The following ERBB4 variants were observed in gnomAD, a reference collection of about 807,000 sequenced individuals.
ERBB4 encodes erb-b2 receptor tyrosine kinase 4, also known as receptor tyrosine-protein kinase erbB-4.
ERBB4 carries 42 observed loss-of-function variants against 158.0 expected under a neutral mutation model. That is an observed-to-expected ratio of 0.27 (90% CI 0.21 to 0.34). The LOEUF (loss-of-function observed/expected upper bound fraction) is 0.34, where lower values mean the gene tolerates loss of function less well. Among genes scored for constraint, ERBB4 ranks in the 10% least tolerant of loss-of-function variants. The pLI, the probability that ERBB4 is intolerant of heterozygous loss-of-function variation, is 1.00. For synonymous variants in ERBB4, 583 were observed against 558.7 expected (o/e 1.04, Z -0.61); for missense variants, 1,333 against 1,624.1 (o/e 0.82, Z 3.08).
chr2:212,072,265 A>G (rs572635692), intron 2 of ERBB4, among the ~76,000 whole-genome samples: 1 of 152,080 alleles, frequency 6.6e-6, no homozygotes, highest in African/African-American at 2.4e-5. Context: ...TTTATAATTG[A>G]TTAGACAAAT....
chr2:211,651,355 A>G (rs886609361), intron 16 of ERBB4, among the ~76,000 whole-genome samples: 1 of 152,194 alleles, frequency 6.6e-6, no homozygotes, highest in African/African-American at 2.4e-5. Flanking sequence ...ACAAGAAAAA[A>G]TAAGAATGGC....
intron 1 of ERBB4, among the ~76,000 whole-genome samples, chr2:212,160,443 A>G (rs1423085399): frequency 6.6e-6 from 1 of 152,028 alleles, no homozygotes; most frequent in Non-Finnish European, 1.5e-5. Flanking sequence ...CAAGTCCTCC[A>G]TAGTTAAATA....
Position 211,562,188 on chromosome 2 carries a change from A to G in ERBB4, c.2302-100T>C. On this transcript the variant is annotated intron_variant, in intron 19 of 27. Transcript: ENST00000342788. ...TGGTGCTGATGATTTTTAAAAATGT[A>G]CTCTTACTCAATGGAATCAATCAAA... 6.3e-6 allele frequency: 6 copies of G among 951,100 alleles called. No individual in the cohort carries two copies. The South Asian group carries it at 8.1e-5, about 13-fold the overall frequency. The allele number at this position is 951,100 out of a possible 1,614,324, so 58.9% of individuals were successfully genotyped here. A position where few individuals can be genotyped will look rare whatever the true frequency, so the allele number is the denominator to read the frequency against.
intron 3 of ERBB4, among the ~76,000 whole-genome samples, chr2:211,815,805 G>C (rs115733573): frequency 0.014 from 2,093 of 152,212 alleles, 47 homozygotes; most frequent in African/African-American, 0.048. Context: ...ATCTGCCAGC[G>C]CAGCTAGAAC....
At chr2:211,549,626 T>C (rs915153532) in intron 20 of ERBB4, among the ~76,000 whole-genome samples, 2 of 152,110 alleles carry the variant, frequency 1.3e-5, no homozygotes, top group African/African-American at 4.8e-5. Flanking sequence ...AGAAAGTCTA[T>C]ACCTCTGACA....
intron 1 of ERBB4, among the ~76,000 whole-genome samples, chr2:212,133,423 G>GTTT (rs376496983): frequency 7.6e-6 from 1 of 132,018 alleles, no homozygotes; most frequent in Non-Finnish European, 1.6e-5. Flanking sequence ...TTTTGTTTTT[G>GTTT]TTTTTTTTTT....
intron 3 of ERBB4, among the ~76,000 whole-genome samples, chr2:211,882,121 T>A (rs527550954): frequency 1.4e-4 from 21 of 152,318 alleles, no homozygotes; most frequent in Non-Finnish European, 2.6e-4. Flanking sequence ...CTGAAAGTTA[T>A]GATGGGAAAT....
intron 1 of ERBB4, among the ~76,000 whole-genome samples, chr2:212,463,072 A>G (rs1056405534): frequency 2.0e-5 from 3 of 152,142 alleles, no homozygotes; most frequent in African/African-American, 7.2e-5. Flanking sequence ...TGTTAAGTAT[A>G]GAGTAGAACA....
chr2:212,435,516 G>C (rs2092118452), intron 1 of ERBB4, among the ~76,000 whole-genome samples: 1 of 151,838 alleles, frequency 6.6e-6, no homozygotes, highest in Non-Finnish European at 1.5e-5. Context: ...AAAGACTCCT[G>C]TTTATAAGAA....
At chr2:211,741,616 A>G (rs529839116) in intron 5 of ERBB4, among the ~76,000 whole-genome samples, 256 of 152,180 alleles carry the variant, frequency 1.7e-3, no homozygotes, top group African/African-American at 5.9e-3. Context: ...ATTCTTTTTG[A>G]TCATTTCCAA....
rs2062591530 is a variant in ERBB4 at position 211,382,611 on chromosome 2, T to G, written c.*1004A>C. Reference sequence around the variant, plus strand: ...CTTCCAGTTCAATGGATTCCCTCATTGGGCCACCCCTGAAAGTATCAGTAG... The same window carrying G: ...CTTCCAGTTCAATGGATTCCCTCATGGGGCCACCCCTGAAAGTATCAGTAG... On this transcript the variant is annotated 3_prime_UTR_variant, in exon 28 of 28. Transcript: ENST00000342788. 1 of 232,856 alleles carries G rather than the reference T, an allele frequency of 4.3e-6. No individual in the cohort carries two copies. Among genetic ancestry groups the G allele is most frequent in the African/African-American group, 2.2e-5 (1 of 45,310 alleles). The allele number at this position is 232,856 out of a possible 1,614,324, so 14.4% of individuals were successfully genotyped here.
At chr2:211,598,105 T>C (rs1467292748) in intron 19 of ERBB4, among the ~76,000 whole-genome samples, 2 of 152,088 alleles carry the variant, frequency 1.3e-5, no homozygotes, top group Non-Finnish European at 1.5e-5. Flanking sequence ...CCTCAATCTT[T>C]TGAAACACTG....
chr2:212,288,667 C>CA (rs771834467), intron 1 of ERBB4, among the ~76,000 whole-genome samples: 26 of 152,042 alleles, frequency 1.7e-4, no homozygotes, highest in Non-Finnish European at 3.5e-4. Context: ...GGTCACCCTT[C>CA]AAAGTGTCTG....
chr2:211,471,758 A>T (rs1447253621), intron 20 of ERBB4, among the ~76,000 whole-genome samples: 1 of 152,168 alleles, frequency 6.6e-6, no homozygotes, highest in Non-Finnish European at 1.5e-5. Context: ...AAAGTTTGGT[A>T]GGACAGGTAT....
At chr2:211,971,377 CAGACCAATAATG>C (rs1255132442) in intron 2 of ERBB4, among the ~76,000 whole-genome samples, 1 of 152,062 alleles carries the variant, frequency 6.6e-6, no homozygotes, top group Non-Finnish European at 1.5e-5. Context: ...AATCCATGAA[CAGACCAATAATG>C]AGTTCTTAAA....
chr2:211,811,534 G>C (rs964641519), intron 3 of ERBB4, among the ~76,000 whole-genome samples: 4 of 152,196 alleles, frequency 2.6e-5, no homozygotes, highest in African/African-American at 9.6e-5. Context: ...GAGGTTCTCT[G>C]TATTTCCTGA....
At chr2:212,231,941 G>A (rs2083678878) in intron 1 of ERBB4, among the ~76,000 whole-genome samples, 1 of 152,086 alleles carries the variant, frequency 6.6e-6, no homozygotes, top group African/African-American at 2.4e-5. Flanking sequence ...TTAATCTGAA[G>A]CTTTTACTTA....
intron 7 of ERBB4, among the ~76,000 whole-genome samples, chr2:211,719,923 G>A (rs1398152854): frequency 6.6e-6 from 1 of 151,588 alleles, no homozygotes; most frequent in African/African-American, 2.4e-5. Flanking sequence ...TTGCTCTAAG[G>A]ATAGTCTGTT....
intron 3 of ERBB4, among the ~76,000 whole-genome samples, chr2:211,916,031 T>C (rs1261308382): frequency 6.6e-6 from 1 of 151,968 alleles, no homozygotes; most frequent in East Asian, 1.9e-4. Context: ...TATGATTCTA[T>C]GTATTCAACT....
Sources: gnomAD v4.1 joint callset for allele counts (sites outside exome capture counted in the v4.1 genomes callset) on GRCh38, gnomAD v4.1.1 for gene constraint, MANE v1.5 for transcripts, NCBI Gene and HGNC (gene_info 2026-07-23, HGNC 2026-07-21) for gene names.